The following PLPPR4 variants were observed in gnomAD, a reference collection of about 807,000 sequenced individuals.
PLPPR4 encodes the protein phospholipid phosphatase-related protein type 4.
PLPPR4 carries 24 observed loss-of-function variants against 56.6 expected under a neutral mutation model. That is an observed-to-expected ratio of 0.42 (90% confidence interval 0.31 to 0.60). PLPPR4 has a LOEUF of 0.60. Ranked by LOEUF, PLPPR4 falls within the 20% of genes least tolerant of loss-of-function variation. PLPPR4 has a pLI of 0.13. For missense variants in PLPPR4, 654 were observed against 885.8 expected (o/e 0.74, Z 3.32); for synonymous variants, 326 against 328.1 (o/e 0.99, Z 0.07).
rs140166544 is a variant in PLPPR4, at chr1:99,270,316, G to T, written c.78+5645G>T. 2.4e-3 allele frequency among the ~76,000 whole-genome samples: 364 copies of T among 152,274 alleles called. 2 individuals carry two copies. Among genetic ancestry groups the T allele is most frequent in the African/African-American group, 8.6e-3 (356 of 41,552 alleles). ...GCTGGGATCACAGGCATGAGCCACT[G>T]CACCTGGCCTACTCAGAAAGTTTTC... is the stretch of plus-strand genomic sequence containing the variant. On this transcript the variant is annotated intron_variant, in intron 1 of 6. Transcript: ENST00000370185.
intron 1 of PLPPR4, among the ~76,000 whole-genome samples, chr1:99,273,577 T>TATTAAATGTTCTTCA (rs1659110725): frequency 6.6e-6 from 1 of 152,140 alleles, no homozygotes; most frequent in African/African-American, 2.4e-5. Context: ...ACTGATCTTT[T>TATTAAATGTTCTTCA]ATTAAATGTT....
chr1:99,299,279 A>G (rs754602993), intron 4 of PLPPR4, 49 bp downstream of exon 4: 2 of 1,385,934 alleles, frequency 1.4e-6, no homozygotes, highest in Non-Finnish European at 2.0e-6. Context: ...TCATTATTCA[A>G]TTGCTGCTTG....
intron 3 of PLPPR4, among the ~76,000 whole-genome samples, chr1:99,298,413 C>G (rs556528960): frequency 1.3e-5 from 2 of 152,064 alleles, no homozygotes; most frequent in Non-Finnish European, 2.9e-5. Flanking sequence ...CTAGGAGAAA[C>G]AGAAAAAATA....
chr1:99,290,439 C>G (rs1659587076), intron 2 of PLPPR4, among the ~76,000 whole-genome samples: 1 of 152,016 alleles, frequency 6.6e-6, no homozygotes. Context: ...CTAGAAAAAT[C>G]TATTTCAAAA....
chr1:99,274,669 A>C (rs1055427004), intron 1 of PLPPR4, among the ~76,000 whole-genome samples: 4 of 152,104 alleles, frequency 2.6e-5, no homozygotes, highest in African/African-American at 9.7e-5. Flanking sequence ...ACTTTTTTTC[A>C]GTACCCTTAC....
At chr1:99,288,695 T>C (rs761053233) in intron 2 of PLPPR4, among the ~76,000 whole-genome samples, 22 of 152,126 alleles carry the variant, frequency 1.4e-4, no homozygotes, top group Non-Finnish European at 2.6e-4. Context: ...TAATAAACTG[T>C]TTTATATTCA....
At chr1:99,291,226 A>G (rs1371332565) in intron 2 of PLPPR4, among the ~76,000 whole-genome samples, 1 of 152,226 alleles carries the variant, frequency 6.6e-6, no homozygotes, top group Non-Finnish European at 1.5e-5. Context: ...TGCAAATCAA[A>G]ACGAAAATGA....
At chr1:99,283,232 G>A (rs887544579) in intron 1 of PLPPR4, among the ~76,000 whole-genome samples, 2 of 152,004 alleles carry the variant, frequency 1.3e-5, no homozygotes, top group Admixed American at 6.6e-5. Context: ...GATGTTATAG[G>A]ACTCTGAATT....
At chr1:99,299,455 C>G (rs917455940) in intron 4 of PLPPR4, among the ~76,000 whole-genome samples, 28 of 152,116 alleles carry the variant, frequency 1.8e-4, no homozygotes, top group Non-Finnish European at 1.5e-4. Context: ...TGCTACTAGT[C>G]CCTATTTCAC....
chr1:99,270,796 A>G (rs1438567225), intron 1 of PLPPR4, among the ~76,000 whole-genome samples: 1 of 152,174 alleles, frequency 6.6e-6, no homozygotes, highest in Non-Finnish European at 1.5e-5. Flanking sequence ...TCTTCTCTAG[A>G]TTGTATAGAA....
intron 1 of PLPPR4, among the ~76,000 whole-genome samples, chr1:99,265,235 C>G (rs1363581439): frequency 6.7e-6 from 1 of 150,120 alleles, no homozygotes; most frequent in Non-Finnish European, 1.5e-5. Flanking sequence ...CATCAATCAT[C>G]AATGTACTGG....
chr1:99,264,743 A>G, intron 1 of PLPPR4, 72 bp downstream of exon 1: 1 of 1,500,014 alleles, frequency 6.7e-7, no homozygotes, highest in South Asian at 1.2e-5. Context: ...GGTCCTGGAC[A>G]GTGTTGGAGG....
intron 2 of PLPPR4, among the ~76,000 whole-genome samples, chr1:99,294,627 C>T (rs868311588): frequency 3.8e-4 from 56 of 147,246 alleles, no homozygotes; most frequent in Middle Eastern, 6.9e-3. Flanking sequence ...ACCCAGGAGG[C>T]GGAGGTTGCA....
At chr1:99,301,088 T>A in intron 5 of PLPPR4, 122 bp downstream of exon 5, 1 of 827,772 alleles carries the variant, frequency 1.2e-6, no homozygotes, top group Non-Finnish European at 2.0e-6. Flanking sequence ...AATTTAGCAC[T>A]GCAGCCTTTC....
chr1:99,265,757 A>G (rs536999984), intron 1 of PLPPR4, among the ~76,000 whole-genome samples: 2 of 152,344 alleles, frequency 1.3e-5, no homozygotes, highest in Admixed American at 1.3e-4. Flanking sequence ...GTATTCAATG[A>G]TTGTAAGGCT....
chr1:99,294,269 T>C (rs1659688943), intron 2 of PLPPR4, among the ~76,000 whole-genome samples: 1 of 152,212 alleles, frequency 6.6e-6, no homozygotes, highest in Non-Finnish European at 1.5e-5. Context: ...ATTAATGTCC[T>C]GTTTAATGAG....
chr1:99,287,239 A>G (rs1045827641), intron 1 of PLPPR4, among the ~76,000 whole-genome samples: 1 of 138,654 alleles, frequency 7.2e-6, no homozygotes, highest in African/African-American at 2.7e-5. Context: ...ATGGGTGCAT[A>G]GTATTCCATG....
intron 1 of PLPPR4, among the ~76,000 whole-genome samples, chr1:99,280,874 C>T (rs1234157118): frequency 6.6e-6 from 1 of 152,004 alleles, no homozygotes; most frequent in Non-Finnish European, 1.5e-5. Flanking sequence ...CCAAGACAGG[C>T]AGATCAAGGC....
chr1:99,274,695 G>A (rs1158750693), intron 1 of PLPPR4, among the ~76,000 whole-genome samples: 2 of 152,034 alleles, frequency 1.3e-5, no homozygotes, highest in African/African-American at 4.8e-5. Context: ...CCTAGTCAGT[G>A]GAGGGGAATT....
Sources: gnomAD v4.1 joint callset for allele counts (sites outside exome capture counted in the v4.1 genomes callset) on GRCh38, gnomAD v4.1.1 for gene constraint, MANE v1.5 for transcripts, NCBI Gene and HGNC (gene_info 2026-07-23, HGNC 2026-07-21) for gene names.